Variants in TSC2 observed in about 807,000 individuals in gnomAD.
TSC2 encodes the protein TSC complex subunit 2.
In TSC2, 29 loss-of-function variants were observed where a neutral mutation model predicts 202.2. The ratio of observed to expected loss-of-function variants is 0.14; its 90% CI spans 0.11 to 0.20. TSC2 has a LOEUF of 0.20. Ranked by LOEUF, TSC2 falls within the 10% of genes least tolerant of loss-of-function variation. The pLI, the probability that TSC2 is intolerant of heterozygous loss-of-function variation, is 1.00. For synonymous variants in TSC2, 1,349 were observed against 1,044.0 expected (o/e 1.29, Z -5.63); for missense variants, 2,429 against 2,420.0 (o/e 1.00, Z -0.08).
intron 38 of TSC2, 92 bp downstream of exon 38, chr16:2,086,963 G>A (rs1281445040): frequency 5.2e-6 from 8 of 1,530,536 alleles, no homozygotes; most frequent in Admixed American, 2.0e-5. Context: ...CTGAGCTTCG[G>A]TCACGAGGAG....
intron 14 of TSC2, chr16:2,064,057 C>A: frequency 1.4e-6 from 1 of 716,372 alleles, no homozygotes; most frequent in Non-Finnish European, 2.4e-6. Context: ...GCGGTGCTCA[C>A]CAGCCTTCTG....
intron 1 of TSC2, 61 bp downstream of exon 1, chr16:2,048,126 G>A (rs970840312): frequency 7.8e-5 from 117 of 1,501,076 alleles, no homozygotes; most frequent in African/African-American, 2.0e-4. Flanking sequence ...CTAGAGAGGC[G>A]GACCCCGCAG....
intron 30 of TSC2, chr16:2,081,237 A>G (rs2090107117): frequency 5.3e-6 from 2 of 378,440 alleles, no homozygotes; most frequent in South Asian, 2.2e-5. Context: ...GAGCCCAGGG[A>G]CAGAGGGAGG....
intron 30 of TSC2, chr16:2,081,343 C>A: frequency 1.8e-6 from 1 of 564,264 alleles, no homozygotes. Context: ...GCCTTGGGTC[C>A]GGACTGTGAG....
chr16:2,070,405 G>A lies in TSC2; in HGVS notation c.1717-51G>A, dbSNP rs769118092. On this transcript the variant is annotated intron_variant, in intron 16 of 41. Coordinates refer to ENST00000219476, the MANE Select transcript of TSC2 (RefSeq NM_000548.5). ...CTCCGGGACAAGGGTGCTGTCTTAG[G>A]ACTGCGTTTTCACCTCCTGCGCCGT... is the stretch of plus-strand genomic sequence containing the variant. 2.5e-6 allele frequency: 4 copies of A among 1,612,954 alleles called. No individual in the cohort carries two copies. In the African/African-American group the frequency reaches 5.3e-5, roughly 22 times the overall value.
chr16:2,074,606 G>C (rs866591632), intron 22 of TSC2: 4 of 619,842 alleles, frequency 6.5e-6, no homozygotes, highest in Middle Eastern at 4.4e-4. Flanking sequence ...CCATGTGAAC[G>C]CTCCTCCTTG....
rs886051798 is a variant in TSC2, at chr16:2,088,487, G to A, written c.5301G>A (p.Leu1767=). The A allele has an allele frequency of 6.2e-7, 1 of 1,612,742 alleles. No individual in the cohort carries two copies. The highest frequency in any genetic ancestry group is 1.3e-5 in the African/African-American group (1 of 74,906). ...EAAYSNPSLP[L]VHPPSHSKAP... ...CCTACTCCAACCCCAGCCTACCTCT[G>A]GTGCACCCTCCGTCCCATAGCAAAG... The change falls in exon 42 of 42, where the codon CTG becomes CTA. Residue 1767 remains leucine, a synonymous_variant. Coordinates refer to ENST00000219476, the MANE Select transcript of TSC2 (RefSeq NM_000548.5).
rs397514891 is a variant in TSC2 at position 2,088,757 on chromosome 16, T to TG, written c.*154dup. 1.7e-3 allele frequency: 1,917 copies of TG among 1,158,038 alleles called. 1 individual carries two copies. The highest frequency in any genetic ancestry group is 2.1e-3 in the Non-Finnish European group (1,786 of 834,784). 71.7% of individuals were successfully genotyped at this position (1,158,038 alleles called of 1,614,324 possible). A position where few individuals can be genotyped will look rare whatever the true frequency, so the allele number is the denominator to read the frequency against. Reference sequence around the variant, plus strand: ...GACTTTGTCTGCTTGGTGCGGGGGTTGGGGGGGTGTCGAGGCTCTAGAAGC... The same window carrying TG: ...GACTTTGTCTGCTTGGTGCGGGGGTTGGGGGGGGTGTCGAGGCTCTAGAAGC... On this transcript the variant is annotated 3_prime_UTR_variant, in exon 42 of 42. Coordinates refer to ENST00000219476, the MANE Select transcript of TSC2 (RefSeq NM_000548.5).
intron 24 of TSC2, 121 bp downstream of exon 24, chr16:2,076,291 T>C: frequency 1.3e-6 from 2 of 1,565,064 alleles, no homozygotes; most frequent in Non-Finnish European, 1.7e-6. Context: ...TGTTTGGGGC[T>C]GTGCCTGTGG....
intron 11 of TSC2, chr16:2,061,415 G>A (rs533664674): frequency 2.2e-5 from 7 of 315,094 alleles, no homozygotes; most frequent in Non-Finnish European, 4.4e-5. Flanking sequence ...CATTGCCCCC[G>A]ACCGCTGGTG....
In TSC2 at chr16:2,081,757, C is replaced by A. The variant is rs1060500958; in HGVS notation, c.3773C>A (p.Ala1258Asp). 1 of 1,612,660 alleles carries A rather than the reference C, an allele frequency of 6.2e-7. No individual in the cohort carries two copies. The highest frequency in any genetic ancestry group is 8.5e-7 in the Non-Finnish European group (1 of 1,180,006). ...ALYKSLSVPA[A>D]STAKPPPLPR... Reference sequence around the variant, plus strand: ...TACAAGTCACTGTCGGTGCCGGCAGCCAGCACGGCCAAACCCCCTCCTCTG... The same window carrying A: ...TACAAGTCACTGTCGGTGCCGGCAGACAGCACGGCCAAACCCCCTCCTCTG... The change falls in exon 31 of 42, where the codon GCC (alanine) becomes GAC (aspartate). Residue 1258 changes from alanine (A) to aspartate (D), a missense_variant. Transcript: ENST00000219476.
chr16:2,077,792 G>C, intron 26 of TSC2, 66 bp downstream of exon 26: 1 of 1,602,542 alleles, frequency 6.2e-7, no homozygotes, highest in South Asian at 1.1e-5. Flanking sequence ...CTGGGTGGCA[G>C]TGCATGGGGC....
At chr16:2,077,242 C>T (rs1427197293) in intron 25 of TSC2, among the ~76,000 whole-genome samples, 3 of 152,202 alleles carry the variant, frequency 2.0e-5, no homozygotes, top group Non-Finnish European at 4.4e-5. Context: ...CAGAGCTGGG[C>T]GGTGCCTGCC....
chr16:2,074,269 T>A lies in TSC2; in HGVS notation c.2425T>A (p.Ser809Thr), dbSNP rs2151350123. 2 of 1,613,126 alleles carry A rather than the reference T, an allele frequency of 1.2e-6. No homozygotes were observed. The highest frequency in any genetic ancestry group is 3.3e-5 in the Admixed American group (2 of 60,016). Residue 809 changes from serine (S) to threonine (T), a missense_variant, in exon 22 of 42, where the codon TCC becomes ACC. Transcript: ENST00000219476. ...TGCCAGCCAGTGCGTCGTGGCCTTG[T>A]CCATCTGCAGCGTGGAGATGCCTGA... ...RCASQCVVAL[S>T]ICSVEMPDII... is the part of the protein sequence containing the mutation.
In TSC2 at chr16:2,080,896, C is replaced by T. The variant is rs182268404; in HGVS notation, c.3610+519C>T. The T allele has an allele frequency of 3.2e-3, 541 of 169,016 alleles. 1 individual carries two copies. Among genetic ancestry groups the T allele is most frequent in the African/African-American group, 0.012 (513 of 41,734 alleles). 10.5% of individuals were successfully genotyped at this position (169,016 alleles called of 1,614,324 possible). ...AGTGACTTCCATGGCAGAGAGTTGC[C>T]CTCCCCGCCTGGAGGCTGCAAGTCC... On this transcript the variant is annotated intron_variant, in intron 30 of 41. Coordinates refer to ENST00000219476, the MANE Select transcript of TSC2 (RefSeq NM_000548.5).
At position 2,058,842 on chromosome 16, in the gene TSC2, C is replaced by T. The variant is rs202082319; in HGVS notation, c.944C>T (p.Ser315Leu). ...CACCGGCTCTATTCTCTCAGGAACTCGCCGACATCTGTGTTGCCATCATTT... is the reference window on the plus strand; with the variant it reads ...CACCGGCTCTATTCTCTCAGGAACTTGCCGACATCTGTGTTGCCATCATTT... ...GAHRLYSLRN[S>L]PTSVLPSFYQ... is the part of the protein sequence containing the mutation. The change falls in exon 10 of 42, where the codon TCG becomes TTG. Residue 315 changes from serine (S) to leucine (L), a missense_variant. By Grantham distance (145) the Ser-to-Leu change is moderately radical. Coordinates refer to ENST00000219476, the MANE Select transcript of TSC2 (RefSeq NM_000548.5). 1.2e-5 allele frequency: 19 copies of T among 1,607,022 alleles called. No individual in the cohort carries two copies. Among genetic ancestry groups the T allele is most frequent in the Non-Finnish European group, 1.4e-5 (17 of 1,176,846 alleles).
At chr16:2,081,569 G>A (rs776104577) in intron 30 of TSC2, 26 bp from the exon 31 acceptor site, 22 of 1,612,708 alleles carry the variant, frequency 1.4e-5, no homozygotes, top group South Asian at 1.1e-5. Flanking sequence ...ACTGGCCTCA[G>A]GCCAAAGGTG....
At chr16:2,078,903 C>A in intron 26 of TSC2, 129 bp from the exon 27 acceptor site, 1 of 1,269,060 alleles carries the variant, frequency 7.9e-7, no homozygotes, top group Non-Finnish European at 1.1e-6. Context: ...GCTGGGCCGC[C>A]CACGCCCTGT....
chr16:2,056,516 A>G (rs1596276959), intron 7 of TSC2, 128 bp from the exon 8 acceptor site: 1 of 1,406,738 alleles, frequency 7.1e-7, no homozygotes, highest in Non-Finnish European at 9.6e-7. Context: ...TGGCTTGGAG[A>G]GAGGGTGCCA....
Sources: allele counts gnomAD v4.1 joint callset (sites outside exome capture counted in the v4.1 genomes callset), GRCh38; gene constraint gnomAD v4.1.1; transcripts MANE v1.5; gene names NCBI Gene and HGNC (gene_info 2026-07-23, HGNC 2026-07-21).